Variants in RAPGEF5 observed in about 807,000 individuals in gnomAD.
The protein encoded by RAPGEF5 is M-Ras-regulated GEF.
Under a neutral mutation model 125.2 loss-of-function variants are expected in RAPGEF5, and 65 were observed. The ratio of observed to expected loss-of-function variants is 0.52; its 90% CI spans 0.43 to 0.64. RAPGEF5 has a LOEUF of 0.64. Ranked by LOEUF, RAPGEF5 falls within the 30% of genes least tolerant of loss-of-function variation. The pLI, the probability that RAPGEF5 is intolerant of heterozygous loss-of-function variation, is 0.00. For missense variants in RAPGEF5, 958 were observed against 1,048.1 expected, an observed-to-expected ratio of 0.91 and a Z score of 1.19; for synonymous variants, 391 against 385.9, an observed-to-expected ratio of 1.01 and a Z score of -0.16.
chr7:22,281,061 T>C (rs1244547762), intron 6 of RAPGEF5, among the ~76,000 whole-genome samples: 1 of 152,202 alleles, frequency 6.6e-6, no homozygotes, highest in Non-Finnish European at 1.5e-5. Flanking sequence ...AAAACATGAA[T>C]AAAATGATAG....
chr7:22,129,493 C>T (rs766739534), intron 24 of RAPGEF5, among the ~76,000 whole-genome samples: 2 of 152,164 alleles, frequency 1.3e-5, no homozygotes, highest in African/African-American at 2.4e-5. Flanking sequence ...TTCATATTCC[C>T]GCAATTGTTT....
At chr7:22,255,254 C>T (rs891863848) in intron 7 of RAPGEF5, among the ~76,000 whole-genome samples, 6 of 152,064 alleles carry the variant, frequency 3.9e-5, no homozygotes, top group Non-Finnish European at 7.4e-5. Context: ...CTCTCTTATC[C>T]GTTCTAGCCT....
intron 3 of RAPGEF5, among the ~76,000 whole-genome samples, chr7:22,310,389 G>C (rs897126930): frequency 1.3e-5 from 2 of 152,180 alleles, no homozygotes; most frequent in South Asian, 2.1e-4. Flanking sequence ...ATTTTCAGGA[G>C]AGCAGGAACT....
At chr7:22,217,244 GT>G (rs1203711668) in intron 9 of RAPGEF5, among the ~76,000 whole-genome samples, 1 of 152,174 alleles carries the variant, frequency 6.6e-6, no homozygotes, top group Admixed American at 6.5e-5. Flanking sequence ...GGTCATTATT[GT>G]TATAACAAGA....
At chr7:22,191,184 A>G (rs200484538) in intron 11 of RAPGEF5, among the ~76,000 whole-genome samples, 2 of 152,092 alleles carry the variant, frequency 1.3e-5, no homozygotes, top group East Asian at 1.9e-4. Context: ...AGCTATTAAT[A>G]TCTCCTTTTC....
intron 8 of RAPGEF5, among the ~76,000 whole-genome samples, chr7:22,223,639 G>A (rs1785845750): frequency 1.3e-5 from 2 of 152,134 alleles, no homozygotes; most frequent in Admixed American, 6.5e-5. Flanking sequence ...GAGTAGGAAA[G>A]AGAAGATAAA....
chr7:22,261,999 A>T (rs1782167286), intron 7 of RAPGEF5, among the ~76,000 whole-genome samples: 1 of 152,210 alleles, frequency 6.6e-6, no homozygotes, highest in African/African-American at 2.4e-5. Flanking sequence ...AGAGCTAGGT[A>T]AATAGTTCTT....
At chr7:22,242,280 A>C (rs1378392266) in intron 7 of RAPGEF5, among the ~76,000 whole-genome samples, 1 of 152,220 alleles carries the variant, frequency 6.6e-6, no homozygotes, top group Non-Finnish European at 1.5e-5. Context: ...GCAAGTCAGC[A>C]GCTATTTTTC....
At chr7:22,281,244 C>A (rs561659974) in intron 6 of RAPGEF5, among the ~76,000 whole-genome samples, 1 of 152,184 alleles carries the variant, frequency 6.6e-6, no homozygotes, top group African/African-American at 2.4e-5. Flanking sequence ...CACAGTCTGG[C>A]TCTGTCACCC....
chr7:22,145,694 T>A (rs941940595), intron 19 of RAPGEF5, among the ~76,000 whole-genome samples: 4 of 152,164 alleles, frequency 2.6e-5, no homozygotes, highest in Non-Finnish European at 4.4e-5. Context: ...GATTGCTGGA[T>A]CCCACCCCTA....
At chr7:22,344,928 G>C (rs375619536) in intron 1 of RAPGEF5, among the ~76,000 whole-genome samples, 5 of 152,342 alleles carry the variant, frequency 3.3e-5, no homozygotes, top group East Asian at 3.9e-4. Context: ...ATGTTCTGAT[G>C]ATGACAGTCA....
At chr7:22,227,657 T>G (rs893344603) in intron 8 of RAPGEF5, among the ~76,000 whole-genome samples, 50 of 151,988 alleles carry the variant, frequency 3.3e-4, no homozygotes, top group African/African-American at 1.2e-3. Flanking sequence ...CTGGGCAACA[T>G]AGCAAAACCA....
chr7:22,306,066 A>G (rs1448400639), intron 5 of RAPGEF5, among the ~76,000 whole-genome samples: 2 of 152,242 alleles, frequency 1.3e-5, no homozygotes. Context: ...GTATACACTC[A>G]GCAGTGGGAT....
intron 7 of RAPGEF5, among the ~76,000 whole-genome samples, chr7:22,240,313 C>T (rs1289211807): frequency 1.4e-5 from 2 of 145,222 alleles, no homozygotes; most frequent in Non-Finnish European, 3.0e-5. Context: ...ACCTTAGCAA[C>T]AGGTTTGGGT....
intron 6 of RAPGEF5, among the ~76,000 whole-genome samples, 183 bp downstream of exon 6, chr7:22,290,992 G>A (rs1415164106): frequency 6.6e-6 from 1 of 152,028 alleles, no homozygotes; most frequent in African/African-American, 2.4e-5. Flanking sequence ...CTCATGAAGG[G>A]AGGCTCCATC....
At chr7:22,152,705 T>C (rs1165018909) in intron 17 of RAPGEF5, among the ~76,000 whole-genome samples, 1 of 152,210 alleles carries the variant, frequency 6.6e-6, no homozygotes, top group Non-Finnish European at 1.5e-5. Context: ...AAACTCACCA[T>C]TTCTTTTTGA....
intron 6 of RAPGEF5, among the ~76,000 whole-genome samples, chr7:22,281,998 C>A (rs757683013): frequency 6.6e-6 from 1 of 152,222 alleles, no homozygotes; most frequent in Non-Finnish European, 1.5e-5. Flanking sequence ...ATTCCTCAAA[C>A]ATATCCCATC....
intron 5 of RAPGEF5, among the ~76,000 whole-genome samples, chr7:22,300,837 A>ACAAGG (rs1270500389): frequency 2.6e-5 from 4 of 152,188 alleles, no homozygotes; most frequent in African/African-American, 9.7e-5. Context: ...GAGAATCAAG[A>ACAAGG]CAAGGATTTC....
intron 23 of RAPGEF5, 70 bp from the exon 24 acceptor site, chr7:22,131,171 A>G: frequency 7.0e-7 from 1 of 1,436,564 alleles, no homozygotes. Flanking sequence ...GAAGAGGTCT[A>G]GGTACAATGC....
Sources: allele counts gnomAD v4.1 joint callset (sites outside exome capture counted in the v4.1 genomes callset), GRCh38; gene constraint gnomAD v4.1.1; transcripts MANE v1.5; gene names NCBI Gene and HGNC (gene_info 2026-07-23, HGNC 2026-07-21).